The following NEIL3 variants were observed in gnomAD, a reference collection of about 807,000 sequenced individuals.
NEIL3 encodes endonuclease 8-like 3.
Under a neutral mutation model 57.5 loss-of-function variants are expected in NEIL3, and 48 were observed. The observed-to-expected ratio is 0.83, with a 90% CI of 0.66 to 1.06. NEIL3 has a LOEUF of 1.06. Among genes scored for constraint, NEIL3 ranks in the 50% least tolerant of loss-of-function variants. NEIL3 has a pLI of 0.00. For synonymous variants in NEIL3, 261 were observed against 253.2 expected, an observed-to-expected ratio of 1.03 and a Z score of -0.29; for missense variants, 717 against 739.1, an observed-to-expected ratio of 0.97 and a Z score of 0.35.
At chr4:177,336,829 C>T (rs1051941178) in intron 4 of NEIL3, among the ~76,000 whole-genome samples, 9 of 152,276 alleles carry the variant, frequency 5.9e-5, no homozygotes, top group East Asian at 1.9e-4. Context: ...GTTCTGCACA[C>T]GCTTGTGTAT....
chr4:177,351,585 T>A, intron 7 of NEIL3, 36 bp downstream of exon 7: 2 of 1,518,548 alleles, frequency 1.3e-6, no homozygotes, highest in Non-Finnish European at 1.8e-6. Flanking sequence ...TTGTTACATT[T>A]CTAAGAGGGT....
chr4:177,309,909 C>A lies in NEIL3; in HGVS notation c.-45C>A, dbSNP rs1423481851. 5 of 1,583,574 alleles carry A rather than the reference C, an allele frequency of 3.2e-6. No individual in the cohort carries two copies. The highest frequency in any genetic ancestry group is 4.3e-6 in the Non-Finnish European group (5 of 1,167,626). On this transcript the variant is annotated 5_prime_UTR_variant, in exon 1 of 10. Coordinates refer to ENST00000264596, the MANE Select transcript of NEIL3 (RefSeq NM_018248.3). ...CAGCGTTGAGTTGCACAGCGGTATTCTCACCAGGCCCTGCAATCGGTGGGC... is the reference window on the plus strand; with the variant it reads ...CAGCGTTGAGTTGCACAGCGGTATTATCACCAGGCCCTGCAATCGGTGGGC...
downstream of NEIL3, among the ~76,000 whole-genome samples, chr4:177,367,724 A>T (rs1409525177): frequency 6.6e-6 from 1 of 152,188 alleles, no homozygotes; most frequent in Non-Finnish European, 1.5e-5. Flanking sequence ...TCAAACCAGC[A>T]TCACAAGAAT....
intron 2 of NEIL3, among the ~76,000 whole-genome samples, chr4:177,332,848 A>G (rs1033333686): frequency 6.6e-6 from 1 of 152,094 alleles, no homozygotes; most frequent in Non-Finnish European, 1.5e-5. Flanking sequence ...TTTACTTTCC[A>G]TGGCGGGGCT....
In NEIL3 at chr4:177,351,430, ATCATGT is replaced by A. The variant is rs1560920088; in HGVS notation, c.922_927del (p.His308_Val309del). 1.2e-6 allele frequency: 2 copies of A among 1,613,830 alleles called. No homozygotes were observed. Among genetic ancestry groups the A allele is most frequent in the Admixed American group, 3.3e-5 (2 of 59,984 alleles). ...ATCAGTTGGACATCTAGCAGGGTGGATCATGTTATGGACTCCGTGGCTCGGAAGTCG... is the reference window on the plus strand; with the variant it reads ...ATCAGTTGGACATCTAGCAGGGTGGATATGGACTCCGTGGCTCGGAAGTCG... On this transcript the variant is annotated inframe_deletion, in exon 7 of 10. Coordinates refer to ENST00000264596, the MANE Select transcript of NEIL3 (RefSeq NM_018248.3).
intron 2 of NEIL3, among the ~76,000 whole-genome samples, chr4:177,329,699 A>G (rs1734846804): frequency 6.6e-6 from 1 of 152,248 alleles, no homozygotes; most frequent in Non-Finnish European, 1.5e-5. Flanking sequence ...GACCTGAGCA[A>G]CACTATCAAC....
intron 1 of NEIL3, among the ~76,000 whole-genome samples, chr4:177,319,496 G>A (rs1734633619): frequency 6.6e-6 from 1 of 152,088 alleles, no homozygotes; most frequent in Non-Finnish European, 1.5e-5. Flanking sequence ...AACAAGTGGT[G>A]TTTGGTTACA....
rs1269043561 is a variant in NEIL3, at chr4:177,322,523, G to A, written c.221G>A (p.Ser74Asn). The A allele has an allele frequency of 6.2e-7, 1 of 1,614,024 alleles. No homozygotes were observed. Among genetic ancestry groups the A allele is most frequent in the Admixed American group, 1.7e-5 (1 of 60,018 alleles). The change falls in exon 2 of 10, where the codon AGT becomes AAT. Residue 74 changes from serine (S) to asparagine (N), a missense_variant. Coordinates refer to ENST00000264596, the MANE Select transcript of NEIL3 (RefSeq NM_018248.3). Reference sequence around the variant, plus strand: ...AGCCTGTTTAATGGATATGTTTACAGTGGCGTGGAAACTTTGGGGAAGGAG... The same window carrying A: ...AGCCTGTTTAATGGATATGTTTACAATGGCGTGGAAACTTTGGGGAAGGAG... Reference protein sequence around the residue: ...VLSLFNGYVYSGVETLGKELF... With the variant: ...VLSLFNGYVYNGVETLGKELF...
intron 1 of NEIL3, among the ~76,000 whole-genome samples, chr4:177,311,541 G>A (rs1473602285): frequency 6.6e-6 from 1 of 152,014 alleles, no homozygotes; most frequent in Non-Finnish European, 1.5e-5. Context: ...AGGCATGCTG[G>A]TGCATGCCTG....
downstream of NEIL3, among the ~76,000 whole-genome samples, chr4:177,367,210 A>AT (rs34017904): frequency 0.45 from 67,871 of 149,682 alleles, 15,756 homozygotes; most frequent in East Asian, 0.8. Context: ...TTGACAGGTG[A>AT]TTTTTTTCTC....
Position 177,353,497 on chromosome 4 carries a change from A to C in NEIL3, c.1229A>C (p.Gln410Pro), listed in dbSNP as rs1444754201. Residue 410 changes from glutamine to proline, a missense_variant, in exon 8 of 10, where the codon CAG becomes CCG. Gln to Pro is a moderately conservative substitution (Grantham distance 76). Transcript: ENST00000264596. Reference protein sequence around the residue: ...STLERKTKQNQILDEEFQNSP... With the variant: ...STLERKTKQNPILDEEFQNSP... ...TTGGAAAGAAAAACAAAGCAAAACC[A>C]GATACTAGATGAGGAGTTTCAAAAC... is the stretch of plus-strand genomic sequence containing the variant. 1 of 1,613,890 alleles carries C rather than the reference A, an allele frequency of 6.2e-7. No homozygotes were observed. Among genetic ancestry groups the C allele is most frequent in the South Asian group, 1.1e-5 (1 of 91,080 alleles).
chr4:177,311,086 T>C (rs1458598478), intron 1 of NEIL3, among the ~76,000 whole-genome samples: 1 of 152,176 alleles, frequency 6.6e-6, no homozygotes, highest in Non-Finnish European at 1.5e-5. Flanking sequence ...ATTATTGTTA[T>C]AGTGTTTCTA....
chr4:177,338,357 A>G (rs779459513), intron 4 of NEIL3, among the ~76,000 whole-genome samples: 1 of 152,176 alleles, frequency 6.6e-6, no homozygotes, highest in Non-Finnish European at 1.5e-5. Context: ...ACTCCTGCCT[A>G]TACCAAGTCC....
At chr4:177,355,509 A>G (rs534053637) in intron 8 of NEIL3, among the ~76,000 whole-genome samples, 1 of 152,238 alleles carries the variant, frequency 6.6e-6, no homozygotes, top group South Asian at 2.1e-4. Flanking sequence ...TTATTGTTTC[A>G]TTATTTTTTG....
At chr4:177,344,655 G>A (rs886104088) in intron 6 of NEIL3, among the ~76,000 whole-genome samples, 3 of 151,376 alleles carry the variant, frequency 2.0e-5, no homozygotes, top group South Asian at 2.1e-4. Context: ...TTCGCCTCCC[G>A]GGTTCAAGTG....
chr4:177,335,868 C>G (rs1734969522), intron 3 of NEIL3, 46 bp downstream of exon 3: 1 of 1,492,064 alleles, frequency 6.7e-7, no homozygotes, highest in Non-Finnish European at 8.9e-7. Context: ...TACTGCAGAG[C>G]TTGGTTTGGG....
At chr4:177,337,150 A>G (rs1008847610) in intron 4 of NEIL3, among the ~76,000 whole-genome samples, 2 of 152,040 alleles carry the variant, frequency 1.3e-5, no homozygotes, top group African/African-American at 4.8e-5. Flanking sequence ...GGGAATGGTG[A>G]TGAATATAGC....
intron 6 of NEIL3, among the ~76,000 whole-genome samples, chr4:177,342,784 T>A (rs1308820324): frequency 6.6e-6 from 1 of 152,192 alleles, no homozygotes; most frequent in Admixed American, 6.5e-5. Flanking sequence ...TTAATAAACA[T>A]GGCATGGTGG....
downstream of NEIL3, among the ~76,000 whole-genome samples, chr4:177,365,753 G>A (rs893347854): frequency 3.9e-5 from 6 of 152,072 alleles, no homozygotes; most frequent in African/African-American, 1.4e-4. Context: ...ATTTAACTCT[G>A]GTTTATATCA....
Sources: gnomAD v4.1 joint callset for allele counts (sites outside exome capture counted in the v4.1 genomes callset) on GRCh38, gnomAD v4.1.1 for gene constraint, MANE v1.5 for transcripts, NCBI Gene and HGNC (gene_info 2026-07-23, HGNC 2026-07-21) for gene names.